The following TNRC6B variants were observed in gnomAD, a reference collection of about 807,000 sequenced individuals.
TNRC6B encodes the protein trinucleotide repeat containing adaptor 6B, also known as trinucleotide repeat-containing gene 6B protein.
Under a neutral mutation model 203.6 loss-of-function variants are expected in TNRC6B, and 52 were observed. That is an observed-to-expected ratio of 0.26 (90% CI 0.20 to 0.32). TNRC6B has a LOEUF of 0.32. Ranked by LOEUF, TNRC6B falls within the 10% of genes least tolerant of loss-of-function variation. The probability of loss-of-function intolerance (pLI) is 1.00; values close to 1 mark genes in which losing one functional copy is unlikely to be tolerated. For synonymous variants in TNRC6B, 838 were observed against 845.7 expected, an observed-to-expected ratio of 0.99 and a Z score of 0.16; for missense variants, 1,923 against 2,286.2, an observed-to-expected ratio of 0.84 and a Z score of 3.24.
chr22:40,165,082 C>T (rs1368857227), intron 4 of TNRC6B, among the ~76,000 whole-genome samples: 2 of 150,616 alleles, frequency 1.3e-5, no homozygotes, highest in Non-Finnish European at 3.0e-5. Flanking sequence ...GCACCCACCC[C>T]TCCCCCCGGC....
intron 22 of TNRC6B, among the ~76,000 whole-genome samples, chr22:40,322,107 G>C (rs1458101871): frequency 2.6e-5 from 4 of 152,206 alleles, no homozygotes; most frequent in African/African-American, 9.6e-5. Context: ...ACTGAAGCCA[G>C]GTTGCTTCGA....
chr22:40,167,057 CCCGCATATTTCAGTCATGATAGAGTG>C (rs1191967226), intron 4 of TNRC6B, among the ~76,000 whole-genome samples: 7 of 151,986 alleles, frequency 4.6e-5, no homozygotes, highest in East Asian at 1.9e-4. Context: ...ATAATTTGGC[CCCGCATATTTCAGTCATGATAGAGTG>C]CCGCATATTT....
chr22:40,093,964 T>A (rs184345111), intron 1 of TNRC6B, among the ~76,000 whole-genome samples: 1 of 152,280 alleles, frequency 6.6e-6, no homozygotes, highest in Admixed American at 6.5e-5. Flanking sequence ...GAATTGGCAC[T>A]TTTCTAACAA....
chr22:40,113,707 T>G (rs2068362762), intron 1 of TNRC6B, among the ~76,000 whole-genome samples: 1 of 152,170 alleles, frequency 6.6e-6, no homozygotes, highest in Non-Finnish European at 1.5e-5. Flanking sequence ...ACTAGATATC[T>G]TCTTGTCCGC....
At chr22:40,184,898 A>G (rs1354845433) in intron 1 of TNRC6B, among the ~76,000 whole-genome samples, 2 of 152,224 alleles carry the variant, frequency 1.3e-5, no homozygotes, top group African/African-American at 4.8e-5. Context: ...TTTTGGAATC[A>G]TTGAATCCTG....
intron 1 of TNRC6B, among the ~76,000 whole-genome samples, chr22:40,186,661 C>G (rs2069207587): frequency 6.6e-6 from 1 of 150,746 alleles, no homozygotes; most frequent in African/African-American, 2.4e-5. Flanking sequence ...TTGCTTGAAC[C>G]TGGGAGGCTG....
At chr22:40,194,994 C>G (rs2069318774) in intron 1 of TNRC6B, among the ~76,000 whole-genome samples, 2 of 152,136 alleles carry the variant, frequency 1.3e-5, no homozygotes, top group Non-Finnish European at 2.9e-5. Context: ...GCTGGGAGCC[C>G]TCCTTTAAAT....
intron 1 of TNRC6B, among the ~76,000 whole-genome samples, chr22:40,227,383 T>TTTC (rs1555891455): frequency 7.3e-6 from 1 of 136,884 alleles, no homozygotes; most frequent in South Asian, 2.4e-4. Flanking sequence ...TTTTTTTTTT[T>TTTC]GAGACAGAGT....
rs1431025313 is a variant in TNRC6B at position 40,253,345 on chromosome 22, C to T, written c.115+2145C>T. Among the ~76,000 whole-genome samples, 3 of 151,656 alleles carry T rather than the reference C, an allele frequency of 2.0e-5. No individual in the cohort carries two copies. In the East Asian group the frequency reaches 5.8e-4, roughly 29 times the overall value. On this transcript the variant is annotated intron_variant, in intron 3 of 22. Coordinates refer to ENST00000454349, the MANE Select transcript of TNRC6B (RefSeq NM_001162501.2). ...GACCTCGTGATCCGCCTGCCTCGGC[C>T]TCCCAAAGTGCTGGGATTACAGGTG...
intron 20 of TNRC6B, 137 bp downstream of exon 20, chr22:40,315,644 G>T (rs947868924): frequency 9.7e-6 from 10 of 1,032,896 alleles, no homozygotes; most frequent in Non-Finnish European, 1.4e-5. Context: ...TAGAGGAAAA[G>T]GTACCTCTTG....
chr22:40,292,573 C>T (rs1006771155), intron 12 of TNRC6B, among the ~76,000 whole-genome samples: 12 of 152,332 alleles, frequency 7.9e-5, no homozygotes, highest in African/African-American at 2.9e-4. Context: ...TCTTTACTTT[C>T]TCCAATCCAG....
At chr22:40,090,393 A>G (rs1302988075) in intron 1 of TNRC6B, among the ~76,000 whole-genome samples, 1 of 137,426 alleles carries the variant, frequency 7.3e-6, no homozygotes, top group Non-Finnish European at 1.5e-5. Context: ...GTGTAGTGGC[A>G]TCTCATTGTT....
Position 40,265,942 on chromosome 22 carries a change from G to A in TNRC6B, c.1712G>A (p.Gly571Asp). The change falls in exon 5 of 23, where the codon GGT (glycine) becomes GAT (aspartate). Residue 571 changes from glycine (G) to aspartate (D), a missense_variant. This residue lies in a region of TNRC6B where 614 missense variants were observed against 587.7 expected (regional missense o/e 1.04). Transcript: ENST00000454349. ...SSSSTGSEVGGQSTGSNHKAG... is the reference protein window; with the variant it reads ...SSSSTGSEVGDQSTGSNHKAG... ...AGCTCCACAGGAAGTGAAGTTGGAG[G>A]TCAAAGCACTGGAAGCAACCACAAA... 1 of 1,614,022 alleles carries A rather than the reference G, an allele frequency of 6.2e-7. No individual in the cohort carries two copies. The highest frequency in any genetic ancestry group is 1.3e-5 in the African/African-American group (1 of 75,042).
At chr22:40,274,130 A>T (rs546735898) in intron 7 of TNRC6B, among the ~76,000 whole-genome samples, 1 of 152,300 alleles carries the variant, frequency 6.6e-6, no homozygotes, top group South Asian at 2.1e-4. Flanking sequence ...GTTTTCAAAG[A>T]TACGAGATAT....
intron 12 of TNRC6B, among the ~76,000 whole-genome samples, chr22:40,288,751 C>T: frequency 6.6e-6 from 1 of 151,586 alleles, no homozygotes; most frequent in African/African-American, 2.4e-5. Flanking sequence ...CTATGTTGGC[C>T]AGGCTGGTCT....
chr22:40,270,285 G>A lies in TNRC6B; in HGVS notation c.2965+5G>A. On this transcript the variant is annotated splice_donor_5th_base_variant and intron_variant, in intron 6 of 22. Transcript: ENST00000454349. ...CTCCCAATGCCATGAAGCCTAGTAA[G>A]TGTGAAGCTTTTCATTTTTGAGGGA... 1 of 1,359,450 alleles carries A rather than the reference G, an allele frequency of 7.4e-7. No individual in the cohort carries two copies. Among genetic ancestry groups the A allele is most frequent in the Non-Finnish European group, 9.6e-7 (1 of 1,046,296 alleles). The allele number at this position is 1,359,450 out of a possible 1,614,324, so 84.2% of individuals were successfully genotyped here. A position where few individuals can be genotyped will look rare whatever the true frequency, so the allele number is the denominator to read the frequency against.
chr22:40,105,084 A>G (rs2068271365), intron 1 of TNRC6B, among the ~76,000 whole-genome samples: 3 of 152,192 alleles, frequency 2.0e-5, no homozygotes, highest in African/African-American at 7.2e-5. Context: ...AAGAAAGCAC[A>G]CGATTGAGAG....
Position 40,322,847 on chromosome 22 carries a change from CT to C in TNRC6B, c.5115-5del. Reference sequence around the variant, plus strand: ...ATCCATAGCTCTCTTTCCCTCCCTTCTTCCAGGTGTGTGTTGGGAAACACTA... The same window carrying C: ...ATCCATAGCTCTCTTTCCCTCCCTTCTCCAGGTGTGTGTTGGGAAACACTA... On this transcript the variant is annotated splice_polypyrimidine_tract_variant and splice_region_variant and intron_variant, in intron 22 of 22. Coordinates refer to ENST00000454349, the MANE Select transcript of TNRC6B (RefSeq NM_001162501.2). 1 of 1,613,720 alleles carries C rather than the reference CT, an allele frequency of 6.2e-7. No individual in the cohort carries two copies. Among genetic ancestry groups the C allele is most frequent in the Non-Finnish European group, 8.5e-7 (1 of 1,179,868 alleles).
At chr22:40,186,330 G>A (rs2069202210) in intron 1 of TNRC6B, among the ~76,000 whole-genome samples, 1 of 152,116 alleles carries the variant, frequency 6.6e-6, no homozygotes, top group African/African-American at 2.4e-5. Flanking sequence ...TCCCGAACCT[G>A]GTGTTGGGAG....
Sources: allele counts gnomAD v4.1 joint callset (sites outside exome capture counted in the v4.1 genomes callset), GRCh38; gene constraint gnomAD v4.1.1; regional missense constraint gnomAD v4.1.1; transcripts MANE v1.5; gene names NCBI Gene and HGNC (gene_info 2026-07-23, HGNC 2026-07-21).